PCDHA10: variants seen among roughly 807,000 people sequenced by gnomAD.
PCDHA10 encodes the protein protocadherin alpha-10.
In PCDHA10, 45 loss-of-function variants were observed where a neutral mutation model predicts 61.2. That is an observed-to-expected ratio of 0.74 (90% confidence interval 0.58 to 0.94). PCDHA10 has a LOEUF of 0.94. Ranked by LOEUF, PCDHA10 falls within the 40% of genes least tolerant of loss-of-function variation. PCDHA10 has a pLI of 0.00. For synonymous variants in PCDHA10, 602 were observed against 548.8 expected (o/e 1.10, Z -1.35); for missense variants, 1,278 against 1,236.2 (o/e 1.03, Z -0.51).
intron 1 of PCDHA10, among the ~76,000 whole-genome samples, chr5:140,932,053 C>T (rs1358715698): frequency 6.6e-6 from 1 of 151,780 alleles, no homozygotes; most frequent in Non-Finnish European, 1.5e-5. Flanking sequence ...GCCTGTAATA[C>T]TAAAAATTAT....
At chr5:140,990,314 C>G (rs1295117014) in intron 3 of PCDHA10, among the ~76,000 whole-genome samples, 1 of 152,094 alleles carries the variant, frequency 6.6e-6, no homozygotes, top group East Asian at 1.9e-4. Flanking sequence ...AAAAAACCAA[C>G]CAAACAAACT....
At position 140,951,559 on chromosome 5, in the gene PCDHA10, G is replaced by A. The variant is rs545470803; in HGVS notation, c.2389-27390G>A. On this transcript the variant is annotated intron_variant, in intron 1 of 3. Transcript: ENST00000307360. ...AGCAAGGGACGGGGGGAAGTGCTAC[G>A]CACTTTTAAACAACCAGATTTCACG... 1.6e-4 allele frequency among the ~76,000 whole-genome samples: 25 copies of A among 152,040 alleles called. No individual in the cohort carries two copies. The South Asian group carries it at 5.2e-3, about 32-fold the overall frequency.
chr5:140,987,513 A>C (rs1324114239), intron 3 of PCDHA10, among the ~76,000 whole-genome samples: 3 of 152,168 alleles, frequency 2.0e-5, no homozygotes, highest in Non-Finnish European at 4.4e-5. Flanking sequence ...TCTGCCACTC[A>C]GTAATTGTAT....
In PCDHA10 at chr5:141,009,886, C is replaced by T. The variant is rs377373799; in HGVS notation, c.2796C>T (p.Thr932=). Residue 932 remains threonine (T), a synonymous_variant, in exon 4 of 4, where the codon ACC becomes ACT. Transcript: ENST00000307360. ...AGAAAAAGAAGAAGGGTAACAAGAC[C>T]CAGGAGAAAAAAGAGAAAGGGAACA... ...KKKKKKKGNK[T]QEKKEKGNST... is the part of the protein sequence containing the mutation. The T allele has an allele frequency of 9.0e-4, 1,444 of 1,612,840 alleles. 15 individuals are homozygous for T. The South Asian group carries it at 0.015, about 17-fold the overall frequency.
At chr5:140,876,773 C>A (rs782103064) in intron 1 of PCDHA10, 2 of 1,614,226 alleles carry the variant, frequency 1.2e-6, no homozygotes, top group South Asian at 2.2e-5. Context: ...GGCTCGCCTT[C>A]GCTGTGGGCC....
At chr5:140,863,510 T>C in intron 1 of PCDHA10, 1 of 411,624 alleles carries the variant, frequency 2.4e-6, no homozygotes, top group Non-Finnish European at 4.8e-6. Context: ...TTAGTCCTAG[T>C]GTTCTCCCAT....
intron 3 of PCDHA10, among the ~76,000 whole-genome samples, chr5:140,999,049 A>C (rs962383659): frequency 1.3e-5 from 2 of 152,214 alleles, no homozygotes; most frequent in African/African-American, 4.8e-5. Flanking sequence ...TGTGCTTTCC[A>C]CCATGCCTAA....
chr5:140,944,209 A>T (rs1003348568), intron 1 of PCDHA10, among the ~76,000 whole-genome samples: 5 of 152,298 alleles, frequency 3.3e-5, no homozygotes, highest in Non-Finnish European at 5.9e-5. Flanking sequence ...TTGTTTTTAA[A>T]GAGGGTTTTA....
intron 3 of PCDHA10, among the ~76,000 whole-genome samples, chr5:141,008,432 C>T (rs2098376587): frequency 6.6e-6 from 1 of 152,082 alleles, no homozygotes. Context: ...ATCACTTTGC[C>T]CAGACAGACC....
intron 1 of PCDHA10, among the ~76,000 whole-genome samples, chr5:140,950,490 C>A (rs2153689793): frequency 6.6e-6 from 1 of 152,114 alleles, no homozygotes; most frequent in South Asian, 2.1e-4. Context: ...AGTGTGTAGT[C>A]ATTTAAGTCA....
intron 1 of PCDHA10, chr5:140,877,741 A>T: frequency 1.2e-6 from 2 of 1,614,182 alleles, no homozygotes; most frequent in Non-Finnish European, 1.7e-6. Flanking sequence ...GAGGAGGCAG[A>T]GGGTGTGCTC....
intron 1 of PCDHA10, among the ~76,000 whole-genome samples, chr5:140,878,435 A>G (rs1582436641): frequency 6.6e-6 from 1 of 152,242 alleles, no homozygotes; most frequent in African/African-American, 2.4e-5. Context: ...TAGATACTGT[A>G]CTATTCTTAT....
chr5:140,962,852 T>G (rs2095713840), intron 1 of PCDHA10, among the ~76,000 whole-genome samples: 2 of 152,216 alleles, frequency 1.3e-5, no homozygotes, highest in Admixed American at 1.3e-4. Context: ...TAACTTGTGC[T>G]CGGTTTGTAG....
intron 1 of PCDHA10, chr5:140,862,474 T>C (rs1342820666): frequency 2.6e-6 from 1 of 377,454 alleles, no homozygotes. Flanking sequence ...AGCAAATCTA[T>C]CCATTGTTGG....
chr5:140,891,782 T>C (rs574840881), intron 1 of PCDHA10, among the ~76,000 whole-genome samples: 1 of 152,284 alleles, frequency 6.6e-6, no homozygotes, highest in African/African-American at 2.4e-5. Flanking sequence ...AGGAAATGTT[T>C]AGATTATGAG....
chr5:140,984,599 C>T (rs1415361733), intron 3 of PCDHA10, among the ~76,000 whole-genome samples: 1 of 152,162 alleles, frequency 6.6e-6, no homozygotes, highest in Non-Finnish European at 1.5e-5. Context: ...TCAATACATA[C>T]CTCTGCATCA....
At chr5:140,967,442 G>T in intron 1 of PCDHA10, 1 of 1,613,600 alleles carries the variant, frequency 6.2e-7, no homozygotes, top group Non-Finnish European at 8.5e-7. Context: ...GCACCACCTG[G>T]TTCTCACAGC....
At chr5:141,000,103 G>A (rs551643743) in intron 3 of PCDHA10, among the ~76,000 whole-genome samples, 15 of 152,186 alleles carry the variant, frequency 9.9e-5, no homozygotes, top group Admixed American at 5.2e-4. Context: ...GCTCAACTCC[G>A]TCTCTTCCCT....
intron 3 of PCDHA10, among the ~76,000 whole-genome samples, chr5:141,007,339 T>C (rs2098316015): frequency 6.9e-6 from 1 of 143,904 alleles, no homozygotes; most frequent in Non-Finnish European, 1.5e-5. Context: ...TTGCCTGAGC[T>C]CAGGAGTTCG....
Sources: gnomAD v4.1 joint callset for allele counts (sites outside exome capture counted in the v4.1 genomes callset) on GRCh38, gnomAD v4.1.1 for gene constraint, MANE v1.5 for transcripts, NCBI Gene and HGNC (gene_info 2026-07-23, HGNC 2026-07-21) for gene names.